Variants in PLA2R1 observed in about 807,000 individuals in gnomAD.
The protein encoded by PLA2R1 is phospholipase A2 receptor 1.
A neutral mutation model predicts 195.9 loss-of-function variants in PLA2R1; 158 were observed. That is an observed-to-expected ratio of 0.81 (90% CI 0.71 to 0.92). The LOEUF (loss-of-function observed/expected upper bound fraction) is 0.92, where lower values mean the gene tolerates loss of function less well. Ranked by LOEUF, PLA2R1 falls within the 40% of genes least tolerant of loss-of-function variation. The pLI is 0.00. For synonymous variants in PLA2R1, 586 were observed against 598.2 expected (o/e 0.98, Z 0.30); for missense variants, 1,626 against 1,764.6 (o/e 0.92, Z 1.41).
intron 12 of PLA2R1, among the ~76,000 whole-genome samples, chr2:159,986,376 G>A (rs547370717): frequency 1.2e-4 from 19 of 152,212 alleles, no homozygotes; most frequent in Non-Finnish European, 2.5e-4. Context: ...TACTCAACCT[G>A]TAATAAAGTT....
At chr2:159,997,350 A>G (rs1461619137) in intron 11 of PLA2R1, among the ~76,000 whole-genome samples, 1 of 152,052 alleles carries the variant, frequency 6.6e-6, no homozygotes, top group Non-Finnish European at 1.5e-5. Context: ...GAAAGGATAG[A>G]GCTGGCTGGA....
chr2:160,032,526 T>G (rs760037539), intron 4 of PLA2R1, among the ~76,000 whole-genome samples: 4 of 152,266 alleles, frequency 2.6e-5, no homozygotes, highest in African/African-American at 7.2e-5. Context: ...GGTTTTGTTT[T>G]TGGGACCCAC....
At position 159,936,445 on chromosome 2, in the gene PLA2R1, CATAG is replaced by C. The variant is rs1439697364; in HGVS notation, c.*5329_*5332del. Reference sequence around the variant, plus strand: ...GGATCTGTTAATGAAATGGATATATCATAGATAAAAATTAATTAGTATTAAAAAC... The same window carrying C: ...GGATCTGTTAATGAAATGGATATATCATAAAAATTAATTAGTATTAAAAAC... On this transcript the variant is annotated 3_prime_UTR_variant, in exon 30 of 30. Transcript: ENST00000283243. 1 of 152,062 alleles carries C rather than the reference CATAG, an allele frequency of 6.6e-6. No individual in the cohort carries two copies. The highest frequency in any genetic ancestry group is 6.6e-5 in the Admixed American group (1 of 15,262). 9.4% of individuals were successfully genotyped at this position (152,062 alleles called of 1,614,324 possible).
intron 1 of PLA2R1, among the ~76,000 whole-genome samples, chr2:160,045,575 G>A (rs1401212143): frequency 6.6e-6 from 1 of 152,224 alleles, no homozygotes; most frequent in Admixed American, 6.5e-5. Flanking sequence ...GTGCCTGAAT[G>A]TTAGGAACAC....
intron 2 of PLA2R1, among the ~76,000 whole-genome samples, chr2:160,042,834 T>A (rs1694614697): frequency 1.1e-5 from 1 of 93,980 alleles, no homozygotes; most frequent in Non-Finnish European, 2.5e-5. Context: ...TGTGTGTGTG[T>A]GTGTGTGTAT....
At chr2:160,017,230 G>C (rs1454522486) in intron 8 of PLA2R1, among the ~76,000 whole-genome samples, 1 of 152,110 alleles carries the variant, frequency 6.6e-6, no homozygotes, top group Non-Finnish European at 1.5e-5. Flanking sequence ...CACCTGGAGG[G>C]CTAACTGAAA....
At chr2:160,001,548 T>C (rs1691596643) in intron 11 of PLA2R1, among the ~76,000 whole-genome samples, 1 of 152,028 alleles carries the variant, frequency 6.6e-6, no homozygotes, top group Admixed American at 6.5e-5. Context: ...AATTTAGTTA[T>C]ATGCTGTTTA....
intron 17 of PLA2R1, among the ~76,000 whole-genome samples, chr2:159,973,195 A>G (rs76962138): frequency 6.6e-6 from 1 of 152,278 alleles, no homozygotes; most frequent in African/African-American, 2.4e-5. Flanking sequence ...GACCCATTCC[A>G]GCAGGACGTT....
At chr2:159,992,863 T>A (rs1168230550) in intron 11 of PLA2R1, among the ~76,000 whole-genome samples, 2 of 152,090 alleles carry the variant, frequency 1.3e-5, no homozygotes, top group Non-Finnish European at 2.9e-5. Flanking sequence ...AACAATTGGG[T>A]TGAACATGCC....
chr2:159,979,110 C>T (rs1350439184), intron 14 of PLA2R1, among the ~76,000 whole-genome samples: 21 of 152,142 alleles, frequency 1.4e-4, no homozygotes, highest in Admixed American at 1.4e-3. Flanking sequence ...TCACTGCAGG[C>T]TCTTAGGAGT....
chr2:159,958,029 C>T (rs373199397), intron 20 of PLA2R1, among the ~76,000 whole-genome samples: 28 of 152,250 alleles, frequency 1.8e-4, no homozygotes, highest in African/African-American at 6.5e-4. Context: ...GAAAAAGCAT[C>T]CTTTCCTACC....
intron 21 of PLA2R1, among the ~76,000 whole-genome samples, chr2:159,956,049 T>C (rs1327399293): frequency 6.6e-6 from 1 of 152,218 alleles, no homozygotes; most frequent in Non-Finnish European, 1.5e-5. Context: ...TGAGATTTCA[T>C]CATATCATTA....
intron 8 of PLA2R1, among the ~76,000 whole-genome samples, chr2:160,019,030 C>A (rs1692938813): frequency 6.6e-6 from 1 of 152,180 alleles, no homozygotes; most frequent in South Asian, 2.1e-4. Flanking sequence ...CTATCTTGAT[C>A]AAAGAGATTA....
At position 159,984,075 on chromosome 2, in the gene PLA2R1, T is replaced by C. The variant is rs775624645; in HGVS notation, c.2038-2A>G. On this transcript the variant is annotated splice_acceptor_variant, in intron 12 of 29. Coordinates refer to ENST00000283243, the MANE Select transcript of PLA2R1 (RefSeq NM_007366.5). LOFTEE classifies it high-confidence loss of function. ...CAGAACTTTTTCACTATGAAATACC[T>C]GTATAGTAAAAGAAAATAAATTAAC... The C allele has an allele frequency of 1.1e-5, 16 of 1,432,078 alleles. No individual in the cohort carries two copies. In the African/African-American group the frequency reaches 1.4e-4, roughly 13 times the overall value. 88.7% of individuals were successfully genotyped at this position (1,432,078 alleles called of 1,614,324 possible). A position where few individuals can be genotyped will look rare whatever the true frequency, so the allele number is the denominator to read the frequency against.
chr2:159,931,461 G>C (rs1686584559), downstream of PLA2R1, among the ~76,000 whole-genome samples: 1 of 152,154 alleles, frequency 6.6e-6, no homozygotes, highest in South Asian at 2.1e-4. Flanking sequence ...TAGAGTCCAG[G>C]AGTTTGACAT....
At chr2:159,987,106 TTAAAA>T in intron 12 of PLA2R1, 45 bp downstream of exon 12, 1 of 1,414,102 alleles carries the variant, frequency 7.1e-7, no homozygotes, top group Non-Finnish European at 1.0e-6. Flanking sequence ...ATGGATCAAA[TTAAAA>T]TAGTGTTGGT....
At chr2:160,009,212 T>C (rs1043435971) in intron 10 of PLA2R1, among the ~76,000 whole-genome samples, 1 of 152,262 alleles carries the variant, frequency 6.6e-6, no homozygotes, top group African/African-American at 2.4e-5. Context: ...TAGGCATACA[T>C]GCCAAAGAAT....
intron 17 of PLA2R1, among the ~76,000 whole-genome samples, chr2:159,973,025 C>T (rs757832980): frequency 1.3e-5 from 2 of 152,128 alleles, no homozygotes; most frequent in African/African-American, 4.8e-5. Flanking sequence ...AATCACTGCT[C>T]TTCTTAGGGA....
chr2:160,025,677 C>T (rs1380413432), intron 6 of PLA2R1, among the ~76,000 whole-genome samples: 1 of 142,142 alleles, frequency 7.0e-6, no homozygotes, highest in East Asian at 2.1e-4. Flanking sequence ...ACACACAAAT[C>T]ACCAAATCAC....
Sources: allele counts gnomAD v4.1 joint callset (sites outside exome capture counted in the v4.1 genomes callset), GRCh38; gene constraint gnomAD v4.1.1; transcripts MANE v1.5; gene names NCBI Gene and HGNC (gene_info 2026-07-23, HGNC 2026-07-21).